Variants in FARP1 observed in about 807,000 individuals in gnomAD.
FARP1 encodes the protein FERM, ARH/RhoGEF and pleckstrin domain protein 1, also known as FERM, ARHGEF and pleckstrin domain-containing protein 1.
In FARP1, 52 loss-of-function variants were observed where a neutral mutation model predicts 128.8. The observed-to-expected ratio is 0.40, with a 90% CI of 0.32 to 0.51. The LOEUF is 0.51. Among genes scored for constraint, FARP1 ranks in the 20% least tolerant of loss-of-function variants. The probability of loss-of-function intolerance (pLI) is 0.45; values close to 1 mark genes in which losing one functional copy is unlikely to be tolerated. For missense variants in FARP1, 1,333 were observed against 1,367.9 expected (o/e 0.97, Z 0.40); for synonymous variants, 580 against 551.8 (o/e 1.05, Z -0.72).
chr13:98,170,364 G>A (rs1436023556), intron 1 of FARP1, among the ~76,000 whole-genome samples: 1 of 144,074 alleles, frequency 6.9e-6, no homozygotes, highest in African/African-American at 2.6e-5. Context: ...TTGTTTGTTT[G>A]TTTATTTGTT....
At chr13:98,317,672 G>A (rs1207085714) in intron 2 of FARP1, among the ~76,000 whole-genome samples, 4 of 152,308 alleles carry the variant, frequency 2.6e-5, no homozygotes, top group South Asian at 2.1e-4. Context: ...CTTAGGTGGG[G>A]CTGTCATAAC....
At chr13:98,232,145 G>GTTTTTTTTT (rs59209045) in intron 2 of FARP1, among the ~76,000 whole-genome samples, 38 of 105,772 alleles carry the variant, frequency 3.6e-4, no homozygotes, top group African/African-American at 9.9e-4. Context: ...TGTTTGGTTG[G>GTTTTTTTTT]TTTTTTTTTT....
chr13:98,282,800 C>A (rs1884993245), intron 2 of FARP1, among the ~76,000 whole-genome samples: 1 of 152,140 alleles, frequency 6.6e-6, no homozygotes, highest in African/African-American at 2.4e-5. Context: ...ACTCAGGAGG[C>A]TGAGGCAGGA....
intron 1 of FARP1, among the ~76,000 whole-genome samples, chr13:98,188,348 T>A (rs570912363): frequency 2.0e-5 from 3 of 152,100 alleles, no homozygotes; most frequent in African/African-American, 7.2e-5. Flanking sequence ...GGTCAGGAGT[T>A]CGAGACCAGC....
chr13:98,380,472 AAAAT>A (rs1311331941), intron 6 of FARP1, among the ~76,000 whole-genome samples: 4 of 152,104 alleles, frequency 2.6e-5, no homozygotes, highest in African/African-American at 7.2e-5. Context: ...TCTCACCACA[AAAAT>A]AAATAAATAA....
intron 2 of FARP1, among the ~76,000 whole-genome samples, chr13:98,273,263 C>T (rs536210780): frequency 7.2e-5 from 11 of 152,266 alleles, no homozygotes; most frequent in African/African-American, 2.4e-4. Flanking sequence ...AAGATAAGGA[C>T]GTCTGTTAAC....
chr13:98,440,828 G>T lies in FARP1; in HGVS notation c.2788G>T (p.Ala930Ser). Residue 930 changes from alanine to serine, a missense_variant, in exon 24 of 27, where the codon GCA becomes TCA. Ala to Ser is a moderately conservative substitution (Grantham distance 99, BLOSUM62 1). Transcript: ENST00000319562. ...TSVSMVDFSI[A>S]VENQLSGNLL... ...CGTCTCCATGGTGGACTTCAGCATCGCAGTGGAGGTACGCAGGGGCAGGGC... is the reference window on the plus strand; with the variant it reads ...CGTCTCCATGGTGGACTTCAGCATCTCAGTGGAGGTACGCAGGGGCAGGGC... 1.2e-6 allele frequency: 2 copies of T among 1,605,798 alleles called. No homozygotes were observed. The highest frequency in any genetic ancestry group is 1.7e-6 in the Non-Finnish European group (2 of 1,177,136).
chr13:98,217,091 G>A (rs1444134303), intron 2 of FARP1, among the ~76,000 whole-genome samples: 23 of 152,162 alleles, frequency 1.5e-4, no homozygotes, highest in Admixed American at 1.5e-3. Context: ...GTGACCCGGC[G>A]GGTAAACAAA....
chr13:98,298,538 C>T lies in FARP1; in HGVS notation c.172-45224C>T, dbSNP rs540520202. Among the ~76,000 whole-genome samples, 34 of 152,252 alleles carry T rather than the reference C, an allele frequency of 2.2e-4. No individual in the cohort carries two copies. The East Asian group carries it at 6.2e-3, about 28-fold the overall frequency. ...AAGCAATCAGCTTAATTTTTTTCCC[C>T]TTACCTGTGGCTTTCAAGTATTTTG... On this transcript the variant is annotated intron_variant, in intron 2 of 26. Transcript: ENST00000319562.
intron 2 of FARP1, among the ~76,000 whole-genome samples, chr13:98,318,140 G>C (rs1321782608): frequency 6.8e-6 from 1 of 147,782 alleles, no homozygotes; most frequent in Non-Finnish European, 1.5e-5. Context: ...CACAATCATG[G>C]CTCACAACAG....
chr13:98,162,862 C>T (rs959947181), intron 1 of FARP1, among the ~76,000 whole-genome samples: 1 of 152,180 alleles, frequency 6.6e-6, no homozygotes, highest in African/African-American at 2.4e-5. Context: ...AATGCCTATG[C>T]ACTGTTCGTG....
chr13:98,444,854 G>A (rs553568254), intron 24 of FARP1, among the ~76,000 whole-genome samples: 14 of 152,328 alleles, frequency 9.2e-5, no homozygotes, highest in African/African-American at 2.9e-4. Flanking sequence ...TCCATGTTGC[G>A]TGACCCAAGA....
intron 1 of FARP1, 45 bp from the exon 2 acceptor site, chr13:98,213,175 A>G: frequency 6.7e-7 from 1 of 1,494,140 alleles, no homozygotes; most frequent in South Asian, 1.3e-5. Flanking sequence ...CTTGGGTGGT[A>G]GTCTCCTATT....
chr13:98,217,673 T>A (rs1456227142), intron 2 of FARP1, among the ~76,000 whole-genome samples: 1 of 152,200 alleles, frequency 6.6e-6, no homozygotes, highest in Admixed American at 6.5e-5. Flanking sequence ...ATGGCTCATC[T>A]CAACCACAGT....
intron 1 of FARP1, among the ~76,000 whole-genome samples, chr13:98,179,040 A>AC (rs1256188183): frequency 6.6e-6 from 1 of 151,884 alleles, no homozygotes; most frequent in Non-Finnish European, 1.5e-5. Context: ...TTTCTTGGAG[A>AC]CCCCCAGATG....
intron 4 of FARP1, among the ~76,000 whole-genome samples, chr13:98,366,056 C>T (rs1217210721): frequency 6.6e-6 from 1 of 152,088 alleles, no homozygotes; most frequent in Non-Finnish European, 1.5e-5. Flanking sequence ...CTTCTTGTGT[C>T]TTCCCCTCTC....
chr13:98,310,336 G>A lies in FARP1; in HGVS notation c.172-33426G>A, dbSNP rs1886404217. On this transcript the variant is annotated intron_variant, in intron 2 of 26. Coordinates refer to ENST00000319562, the MANE Select transcript of FARP1 (RefSeq NM_005766.4). ...CCCCTCCCTCCTCTGAAGGGTTATA[G>A]CCACAGCCTGAAATAAATCTGTACA... 3.9e-5 allele frequency among the ~76,000 whole-genome samples: 6 copies of A among 152,214 alleles called. No homozygotes were observed. In the South Asian group the frequency reaches 1.2e-3, roughly 32 times the overall value.
At chr13:98,376,933 T>C (rs1301640483) in intron 5 of FARP1, among the ~76,000 whole-genome samples, 1 of 152,182 alleles carries the variant, frequency 6.6e-6, no homozygotes, top group Non-Finnish European at 1.5e-5. Context: ...GCACAGTTTT[T>C]ACTTAATGTC....
Position 98,437,891 on chromosome 13 carries a change from C to G in FARP1, c.2275-913C>G, listed in dbSNP as rs747387536. The G allele has an allele frequency of 3.2e-5, 45 of 1,398,170 alleles. No homozygotes were observed. In the East Asian group the frequency reaches 9.6e-4, roughly 30 times the overall value. 86.6% of individuals were successfully genotyped at this position (1,398,170 alleles called of 1,614,324 possible). A position where few individuals can be genotyped will look rare whatever the true frequency, so the allele number is the denominator to read the frequency against. ...TGGAATTGGGGTACTCCTTCCTAAG[C>G]TCAGATGATCCCCTGATTCTTGGCA... On this transcript the variant is annotated intron_variant, in intron 19 of 26. Transcript: ENST00000319562.
Sources: allele counts gnomAD v4.1 joint callset (sites outside exome capture counted in the v4.1 genomes callset), GRCh38; gene constraint gnomAD v4.1.1; transcripts MANE v1.5; gene names NCBI Gene and HGNC (gene_info 2026-07-23, HGNC 2026-07-21).